TMEM131: variants seen among roughly 807,000 people sequenced by gnomAD.
TMEM131 encodes the protein transmembrane protein 131, also known as 2610524E03Rik.
A neutral mutation model predicts 211.6 loss-of-function variants in TMEM131; 66 were observed. The ratio of observed to expected loss-of-function variants is 0.31; its 90% confidence interval spans 0.26 to 0.38. TMEM131 has a LOEUF of 0.38. TMEM131 is among the 10% of genes least tolerant of loss of function. TMEM131 has a pLI of 1.00. For synonymous variants in TMEM131, 844 were observed against 841.3 expected (o/e 1.00, Z -0.06); for missense variants, 2,036 against 2,299.3 (o/e 0.89, Z 2.34).
In TMEM131 at chr2:97,756,896, C is replaced by T. The variant is rs574968674; in HGVS notation, c.*203G>A. On this transcript the variant is annotated 3_prime_UTR_variant, in exon 41 of 41. Coordinates refer to ENST00000186436, the MANE Select transcript of TMEM131 (RefSeq NM_015348.2). ...GAGTCCAGACTTTTCTCTAAAAGCACAACAGCAAATCTCATGTTATCATAA... is the reference window on the plus strand; with the variant it reads ...GAGTCCAGACTTTTCTCTAAAAGCATAACAGCAAATCTCATGTTATCATAA... 559 of 566,392 alleles carry T rather than the reference C, an allele frequency of 9.9e-4. 1 individual carries two copies. The highest frequency in any genetic ancestry group is 1.4e-3 in the Non-Finnish European group (476 of 349,342). 35.1% of individuals were successfully genotyped at this position (566,392 alleles called of 1,614,324 possible).
chr2:97,757,250 G>A lies in TMEM131; in HGVS notation c.5501C>T (p.Thr1834Ile). ...AGCGTGAGGAGCAGGGGAGTTTTCT[G>A]TGCCCATGAGGCCGATGCTTGCCAG... ...NTLASIGLMG[T>I]ENSPAPHAPS... The change falls in exon 41 of 41, where the codon ACA (threonine) becomes ATA (isoleucine). Residue 1834 changes from threonine (T) to isoleucine (I), a missense_variant. By Grantham distance (89) the Thr-to-Ile change is moderately conservative (BLOSUM62 -1). This residue lies in a region of TMEM131 where 1,623 missense variants were observed against 1,805.9 expected (regional missense o/e 0.90). Coordinates refer to ENST00000186436, the MANE Select transcript of TMEM131 (RefSeq NM_015348.2). The A allele has an allele frequency of 6.2e-7, 1 of 1,614,016 alleles. No individual in the cohort carries two copies. The highest frequency in any genetic ancestry group is 8.5e-7 in the Non-Finnish European group (1 of 1,179,898).
chr2:97,957,492 A>G (rs952680677), intron 1 of TMEM131, among the ~76,000 whole-genome samples: 1 of 152,152 alleles, frequency 6.6e-6, no homozygotes, highest in African/African-American at 2.4e-5. Context: ...AATTCAAGGG[A>G]TACTATTTTG....
intron 1 of TMEM131, among the ~76,000 whole-genome samples, chr2:97,954,832 A>G (rs946877812): frequency 6.8e-6 from 1 of 146,956 alleles, no homozygotes; most frequent in Non-Finnish European, 1.5e-5. Flanking sequence ...AAAAAAAACT[A>G]AAAAAGAGAA....
intron 1 of TMEM131, among the ~76,000 whole-genome samples, chr2:97,950,735 A>G (rs888817077): frequency 2.0e-5 from 3 of 152,102 alleles, no homozygotes; most frequent in Non-Finnish European, 4.4e-5. Context: ...AGACTCCAAT[A>G]TCTACCACAT....
At chr2:97,936,916 TAA>T (rs1677471470) in intron 1 of TMEM131, among the ~76,000 whole-genome samples, 1 of 152,058 alleles carries the variant, frequency 6.6e-6, no homozygotes, top group Admixed American at 6.6e-5. Context: ...TCCAAAGAAC[TAA>T]AAGTCACACC....
chr2:97,762,265 T>G, intron 35 of TMEM131, 65 bp from the exon 36 acceptor site: 1 of 1,516,416 alleles, frequency 6.6e-7, no homozygotes, highest in Non-Finnish European at 9.1e-7. Context: ...CCAAATCACT[T>G]TGAATGTTCT....
chr2:97,858,822 T>C (rs1401661105), intron 5 of TMEM131, among the ~76,000 whole-genome samples: 1 of 152,176 alleles, frequency 6.6e-6, no homozygotes, highest in Non-Finnish European at 1.5e-5. Flanking sequence ...TCAACAACTT[T>C]AATGAGTTTG....
At chr2:97,821,275 G>A (rs775141241) in intron 11 of TMEM131, among the ~76,000 whole-genome samples, 2 of 151,978 alleles carry the variant, frequency 1.3e-5, no homozygotes, top group Non-Finnish European at 2.9e-5. Context: ...CTGTAAAAAC[G>A]CACCAATCAG....
chr2:97,973,247 A>G (rs1255285012), intron 1 of TMEM131, among the ~76,000 whole-genome samples: 1 of 152,240 alleles, frequency 6.6e-6, no homozygotes, highest in Non-Finnish European at 1.5e-5. Flanking sequence ...ATGCAGACAT[A>G]TGAACTTCTA....
chr2:97,836,089 A>C (rs1252215108), intron 8 of TMEM131, among the ~76,000 whole-genome samples: 1 of 152,236 alleles, frequency 6.6e-6, no homozygotes, highest in Non-Finnish European at 1.5e-5. Flanking sequence ...TCCCTCAAAC[A>C]CCACAATTTC....
chr2:97,885,039 T>A (rs997849963), intron 4 of TMEM131, among the ~76,000 whole-genome samples: 2 of 152,234 alleles, frequency 1.3e-5, no homozygotes, highest in African/African-American at 4.8e-5. Context: ...GTTTGATTCT[T>A]TTTCCTTTCT....
At chr2:97,776,138 C>T (rs1255821802) in intron 31 of TMEM131, 120 bp from the exon 32 acceptor site, 1 of 1,000,970 alleles carries the variant, frequency 1.0e-6, no homozygotes, top group African/African-American at 1.6e-5. Flanking sequence ...ACTGCAAGCT[C>T]CGCCTCCCGG....
chr2:97,779,975 G>A (rs1384777306), intron 31 of TMEM131, among the ~76,000 whole-genome samples: 3 of 151,952 alleles, frequency 2.0e-5, no homozygotes, highest in African/African-American at 4.8e-5. Flanking sequence ...AGTTATGATT[G>A]CACCACTGCA....
At chr2:97,979,150 A>G (rs1486884756) in intron 1 of TMEM131, among the ~76,000 whole-genome samples, 3 of 152,248 alleles carry the variant, frequency 2.0e-5, no homozygotes, top group African/African-American at 4.8e-5. Context: ...AATATTCAGT[A>G]AACCACATTA....
intron 1 of TMEM131, among the ~76,000 whole-genome samples, chr2:97,987,315 A>T (rs1020408785): frequency 6.6e-6 from 1 of 152,150 alleles, no homozygotes; most frequent in African/African-American, 2.4e-5. Context: ...GATCGAGACC[A>T]TCCTGGCCGT....
intron 1 of TMEM131, among the ~76,000 whole-genome samples, chr2:97,962,816 A>T (rs979465997): frequency 6.6e-6 from 1 of 152,272 alleles, no homozygotes; most frequent in African/African-American, 2.4e-5. Context: ...ACTAAATTGT[A>T]GTTTACTTAG....
chr2:97,799,187 T>C (rs1311676105), intron 25 of TMEM131, among the ~76,000 whole-genome samples: 1 of 152,146 alleles, frequency 6.6e-6, no homozygotes, highest in Admixed American at 6.6e-5. Context: ...AGGGTAAAAC[T>C]GCTGACCCCT....
chr2:97,851,771 T>C (rs1029384061), intron 5 of TMEM131, among the ~76,000 whole-genome samples: 11 of 152,240 alleles, frequency 7.2e-5, no homozygotes, highest in African/African-American at 2.4e-4. Flanking sequence ...TGTGTTCTCA[T>C]TGCTCCACCA....
At chr2:97,945,860 A>T (rs950687692) in intron 1 of TMEM131, among the ~76,000 whole-genome samples, 4 of 152,182 alleles carry the variant, frequency 2.6e-5, no homozygotes, top group Non-Finnish European at 5.9e-5. Flanking sequence ...CTCTTTTAAA[A>T]AGATATACAT....
Sources: gnomAD v4.1 joint callset for allele counts (sites outside exome capture counted in the v4.1 genomes callset) on GRCh38, gnomAD v4.1.1 for gene constraint, gnomAD v4.1.1 regional missense constraint, MANE v1.5 for transcripts, NCBI Gene and HGNC (gene_info 2026-07-23, HGNC 2026-07-21) for gene names.